Variants in LRFN5 observed in about 807,000 individuals in gnomAD.
The protein encoded by LRFN5 is leucine-rich repeat and fibronectin type-III domain-containing protein 5.
A neutral mutation model predicts 45.6 loss-of-function variants in LRFN5; 24 were observed. The observed-to-expected ratio is 0.53, with a 90% CI of 0.38 to 0.74. The LOEUF (loss-of-function observed/expected upper bound fraction) is 0.74. LRFN5 is among the 30% of genes least tolerant of loss of function. The pLI is 0.00. For missense variants in LRFN5, 776 were observed against 861.5 expected, an observed-to-expected ratio of 0.90 and a Z score of 1.24; for synonymous variants, 340 against 313.8, an observed-to-expected ratio of 1.08 and a Z score of -0.88.
At chr14:41,892,968 G>A in intron 4 of LRFN5, 2 of 985,204 alleles carry the variant, frequency 2.0e-6, no homozygotes, top group Non-Finnish European at 2.4e-6. Flanking sequence ...TATCAAAGGG[G>A]TGTTTATTTT....
At chr14:41,777,262 A>G (rs1886326058) in intron 2 of LRFN5, among the ~76,000 whole-genome samples, 1 of 151,702 alleles carries the variant, frequency 6.6e-6, no homozygotes, top group African/African-American at 2.4e-5. Flanking sequence ...TGGAGTCACA[A>G]GTAATTTTTA....
At chr14:41,614,292 T>C (rs1315188708) in intron 1 of LRFN5, among the ~76,000 whole-genome samples, 1 of 152,082 alleles carries the variant, frequency 6.6e-6, no homozygotes, top group Admixed American at 6.6e-5. Context: ...TATCTTGACA[T>C]CATTAATATT....
At chr14:41,856,675 A>ATTATTATTATTTTTTTTTTTTTTTTT in intron 2 of LRFN5, among the ~76,000 whole-genome samples, 19 of 18,334 alleles carry the variant, frequency 1.0e-3, no homozygotes, top group East Asian at 2.7e-3. Flanking sequence ...TATTATTATT[A>ATTATTATTATTTTTTTTTTTTTTTTT]TTTTTTTTTT....
At chr14:41,892,876 T>A in intron 4 of LRFN5, 1 of 985,202 alleles carries the variant, frequency 1.0e-6, no homozygotes, top group Non-Finnish European at 1.2e-6. Context: ...TTCATTCATT[T>A]AATACACATT....
intron 1 of LRFN5, among the ~76,000 whole-genome samples, chr14:41,639,247 G>A (rs930594540): frequency 6.6e-6 from 1 of 152,028 alleles, no homozygotes; most frequent in African/African-American, 2.4e-5. Context: ...GGAACACAAC[G>A]TTAACGAGTA....
chr14:41,855,322 C>T (rs1566485581), intron 2 of LRFN5, among the ~76,000 whole-genome samples: 1 of 151,992 alleles, frequency 6.6e-6, no homozygotes, highest in Non-Finnish European at 1.5e-5. Context: ...AACCTGGAGA[C>T]AGGGGAGGGT....
At chr14:41,636,527 G>A (rs1038630982) in intron 1 of LRFN5, among the ~76,000 whole-genome samples, 3 of 151,828 alleles carry the variant, frequency 2.0e-5, no homozygotes, top group Admixed American at 1.3e-4. Context: ...CAGATAGAAA[G>A]TAGATGCTTA....
rs532135699 is a variant in LRFN5, at chr14:41,780,159, GT to G, written c.-21+13134del. Among the ~76,000 whole-genome samples the G allele has an allele frequency of 1.9e-3, 293 of 151,574 alleles. 2 individuals carry two copies. Among genetic ancestry groups the G allele is most frequent in the Non-Finnish European group, 3.5e-3 (236 of 67,730 alleles). ...TTTGTTTAGTTAAAATTTTTTTTAA[GT>G]TTTCTTGAGCCTTTGACATGTGGAT... On this transcript the variant is annotated intron_variant, in intron 2 of 5. Coordinates refer to ENST00000298119, the MANE Select transcript of LRFN5 (RefSeq NM_152447.5).
In LRFN5 at chr14:41,692,050, A is replaced by T. The variant is rs150745933; in HGVS notation, c.-196-74804A>T. Among the ~76,000 whole-genome samples the T allele has an allele frequency of 5.7e-3, 869 of 152,204 alleles. 27 individuals carry two copies. The highest frequency in any genetic ancestry group is 0.052 in the Admixed American group (798 of 15,274). ...GATTGATGTGAACATATTTTCTCCA[A>T]TCTTTAGATGTATATATGTTTTCAG... is the stretch of plus-strand genomic sequence containing the variant. On this transcript the variant is annotated intron_variant, in intron 1 of 5. Transcript: ENST00000298119.
At chr14:41,896,287 T>A (rs1890937200) in intron 4 of LRFN5, among the ~76,000 whole-genome samples, 1 of 152,064 alleles carries the variant, frequency 6.6e-6, no homozygotes, top group Non-Finnish European at 1.5e-5. Flanking sequence ...CTCAGCATAG[T>A]TGATTTCCAA....
chr14:41,626,002 A>T (rs994999901), intron 1 of LRFN5, among the ~76,000 whole-genome samples: 11 of 152,114 alleles, frequency 7.2e-5, no homozygotes, highest in Non-Finnish European at 1.2e-4. Flanking sequence ...ATAAATGCAC[A>T]TTTGTGAATT....
Position 41,651,541 on chromosome 14 carries a change from A to T in LRFN5, c.-197+42979A>T, listed in dbSNP as rs575841145. 1.2e-3 allele frequency among the ~76,000 whole-genome samples: 187 copies of T among 152,300 alleles called. 2 individuals carry two copies. The highest frequency in any genetic ancestry group is 3.4e-3 in the Middle Eastern group (1 of 294). ...TAGGTAATTCTTTACATGATTCTCT[A>T]ATTTCTCCATGTAGTTATGTATCTG... On this transcript the variant is annotated intron_variant, in intron 1 of 5. Coordinates refer to ENST00000298119, the MANE Select transcript of LRFN5 (RefSeq NM_152447.5).
chr14:41,901,503 G>A (rs992855604), intron 5 of LRFN5, among the ~76,000 whole-genome samples: 1 of 151,324 alleles, frequency 6.6e-6, no homozygotes, highest in Non-Finnish European at 1.5e-5. Context: ...TTCTGTGATT[G>A]CTTGCACAGG....
At chr14:41,812,839 A>G (rs944365183) in intron 2 of LRFN5, among the ~76,000 whole-genome samples, 5 of 152,112 alleles carry the variant, frequency 3.3e-5, no homozygotes, top group African/African-American at 9.7e-5. Flanking sequence ...AGAACAAGGC[A>G]GTGTAAGTAA....
At chr14:41,773,370 C>T (rs1886158988) in intron 2 of LRFN5, among the ~76,000 whole-genome samples, 1 of 152,144 alleles carries the variant, frequency 6.6e-6, no homozygotes, top group Non-Finnish European at 1.5e-5. Flanking sequence ...GGTCTCATAG[C>T]ATCATATACC....
At chr14:41,821,275 A>G (rs1294660879) in intron 2 of LRFN5, among the ~76,000 whole-genome samples, 4 of 151,862 alleles carry the variant, frequency 2.6e-5, no homozygotes, top group African/African-American at 7.2e-5. Context: ...ATTCTGAAGT[A>G]TGTTTCTTCC....
At chr14:41,892,899 G>A (rs1202499707) in intron 4 of LRFN5, 1 of 985,052 alleles carries the variant, frequency 1.0e-6, no homozygotes, top group Non-Finnish European at 1.2e-6. Context: ...TTGAATGAAT[G>A]AGTTTTATGT....
Position 41,674,543 on chromosome 14 carries a change from C to T in LRFN5, c.-197+65981C>T, listed in dbSNP as rs189064843. Among the ~76,000 whole-genome samples the T allele has an allele frequency of 9.1e-3, 1,248 of 136,550 alleles. 38 individuals carry two copies. Among genetic ancestry groups the T allele is most frequent in the African/African-American group, 0.035 (1,182 of 34,150 alleles). The allele number at this position is 136,550 out of a possible 152,430, so 89.6% of individuals were successfully genotyped here. On this transcript the variant is annotated intron_variant, in intron 1 of 5. Coordinates refer to ENST00000298119, the MANE Select transcript of LRFN5 (RefSeq NM_152447.5). ...CTCTCTCCAGGACGGGGCGGCTGGC[C>T]GGGCAGGGGGCTGACCCCCCCACCT...
chr14:41,650,266 C>CAAAAAA (rs10654457), intron 1 of LRFN5, among the ~76,000 whole-genome samples: 8 of 135,520 alleles, frequency 5.9e-5, no homozygotes, highest in African/African-American at 1.7e-4. Flanking sequence ...CACACACACA[C>CAAAAAA]AAAAAAAAAA....
Sources: allele counts gnomAD v4.1 joint callset (sites outside exome capture counted in the v4.1 genomes callset), GRCh38; gene constraint gnomAD v4.1.1; transcripts MANE v1.5; gene names NCBI Gene and HGNC (gene_info 2026-07-23, HGNC 2026-07-21).